Variants in RPRD2 observed in about 807,000 individuals in gnomAD.
RPRD2 encodes regulation of nuclear pre-mRNA domain containing 2.
RPRD2 carries 12 observed loss-of-function variants against 104.4 expected under a neutral mutation model. The ratio of observed to expected loss-of-function variants is 0.11; its 90% CI spans 0.07 to 0.19. The LOEUF is 0.19. RPRD2 is among the 10% of genes least tolerant of loss of function. The probability of loss-of-function intolerance (pLI) is 1.00; values close to 1 mark genes in which losing one functional copy is unlikely to be tolerated. For synonymous variants in RPRD2, 714 were observed against 684.9 expected (o/e 1.04, Z -0.66); for missense variants, 1,543 against 1,790.1 (o/e 0.86, Z 2.49).
intron 7 of RPRD2, among the ~76,000 whole-genome samples, chr1:150,455,242 G>A (rs112381638): frequency 4.7e-4 from 72 of 152,270 alleles, no homozygotes; most frequent in Middle Eastern, 3.4e-3. Context: ...GATGGCTTAC[G>A]CCTGTAATCC....
chr1:150,386,689 GA>G (rs782654723), intron 1 of RPRD2, among the ~76,000 whole-genome samples: 22 of 152,078 alleles, frequency 1.4e-4, no homozygotes, highest in Admixed American at 2.6e-4. Context: ...CACTAAACCT[GA>G]AAAATATGAG....
At chr1:150,446,082 AG>A (rs1553895427) in intron 6 of RPRD2, 143 bp from the exon 7 acceptor site, 233 of 496,090 alleles carry the variant, frequency 4.7e-4, no homozygotes, top group African/African-American at 8.8e-4. Context: ...AAAAAAAAAA[AG>A]AAAGAAACTA....
At chr1:150,459,261 A>G (rs782008105) in intron 8 of RPRD2, among the ~76,000 whole-genome samples, 1 of 152,198 alleles carries the variant, frequency 6.6e-6, no homozygotes, top group Non-Finnish European at 1.5e-5. Context: ...TAATTATTCA[A>G]GGTGATTGAG....
At chr1:150,399,864 T>C (rs1662843053) in intron 1 of RPRD2, among the ~76,000 whole-genome samples, 1 of 152,148 alleles carries the variant, frequency 6.6e-6, no homozygotes, top group Admixed American at 6.6e-5. Context: ...TTCAAAACTA[T>C]GTTGTCTATT....
intron 1 of RPRD2, among the ~76,000 whole-genome samples, chr1:150,395,799 G>A (rs1256741252): frequency 2.0e-5 from 3 of 152,150 alleles, no homozygotes; most frequent in African/African-American, 7.2e-5. Context: ...GTGAGCCACC[G>A]CGTCCGGCCG....
chr1:150,393,454 CAA>C (rs1203478537), intron 1 of RPRD2, among the ~76,000 whole-genome samples: 1,187 of 59,506 alleles, frequency 0.02, 13 homozygotes, highest in African/African-American at 0.067. Flanking sequence ...GACCCTGTCT[CAA>C]AAAAAAAAAA....
intron 1 of RPRD2, among the ~76,000 whole-genome samples, chr1:150,415,369 A>G (rs1226048230): frequency 3.9e-5 from 6 of 151,962 alleles, no homozygotes; most frequent in South Asian, 2.1e-4. Flanking sequence ...AATACAAATA[A>G]GAATCAAATT....
At chr1:150,464,810 T>C in intron 10 of RPRD2, 83 bp downstream of exon 10, 1 of 932,864 alleles carries the variant, frequency 1.1e-6, no homozygotes, top group Non-Finnish European at 1.7e-6. Context: ...TTCTGATGAA[T>C]CCAGAGCCAT....
chr1:150,385,958 C>G (rs1661531612), intron 1 of RPRD2, among the ~76,000 whole-genome samples: 1 of 151,830 alleles, frequency 6.6e-6, no homozygotes, highest in Non-Finnish European at 1.5e-5. Context: ...AGGGGAGTTT[C>G]CTGAGTTGAG....
chr1:150,429,292 A>G (rs781855469), intron 2 of RPRD2, among the ~76,000 whole-genome samples: 3 of 152,024 alleles, frequency 2.0e-5, no homozygotes, highest in Non-Finnish European at 4.4e-5. Flanking sequence ...GGGTTTCTCC[A>G]TGTTGGTCAG....
intron 10 of RPRD2, among the ~76,000 whole-genome samples, chr1:150,466,448 C>T (rs1553900009): frequency 6.7e-6 from 1 of 149,444 alleles, no homozygotes; most frequent in African/African-American, 2.5e-5. Context: ...ACTCAGGGGG[C>T]TAAGGCAGGA....
In RPRD2 at chr1:150,474,705, A is replaced by G. The variant is rs1362518543; in HGVS notation, c.*1371A>G. ...GTTGCTTTACTACAATTTTTTTTTAATTTAGTGTCTTACCCCAAGGCATAC... is the reference window on the plus strand; with the variant it reads ...GTTGCTTTACTACAATTTTTTTTTAGTTTAGTGTCTTACCCCAAGGCATAC... On this transcript the variant is annotated 3_prime_UTR_variant, in exon 11 of 11. Coordinates refer to ENST00000369068, the MANE Select transcript of RPRD2 (RefSeq NM_015203.5). 1.3e-5 allele frequency: 2 copies of G among 151,946 alleles called. No individual in the cohort carries two copies. Among genetic ancestry groups the G allele is most frequent in the African/African-American group, 2.4e-5 (1 of 41,370 alleles). The allele number at this position is 151,946 out of a possible 1,614,324, so 9.4% of individuals were successfully genotyped here.
intron 1 of RPRD2, among the ~76,000 whole-genome samples, chr1:150,377,328 C>T (rs1471271614): frequency 7.2e-5 from 11 of 151,998 alleles, no homozygotes; most frequent in African/African-American, 2.4e-4. Context: ...GGGCCGGGCG[C>T]GGTGGCTCAC....
At chr1:150,418,115 G>A (rs1041648664) in intron 2 of RPRD2, among the ~76,000 whole-genome samples, 1 of 151,972 alleles carries the variant, frequency 6.6e-6, no homozygotes, top group Admixed American at 6.6e-5. Flanking sequence ...CTACAGGTGC[G>A]TGCTACCATG....
At chr1:150,452,215 A>G (rs1553896775) in intron 7 of RPRD2, among the ~76,000 whole-genome samples, 1 of 151,830 alleles carries the variant, frequency 6.6e-6, no homozygotes, top group African/African-American at 2.4e-5. Flanking sequence ...ATCATGTGAC[A>G]GCATAGGCAG....
chr1:150,475,844 A>C lies in RPRD2; in HGVS notation c.*2510A>C, dbSNP rs1272626838. 6.6e-6 allele frequency: 1 copy of C among 152,162 alleles called. No individual in the cohort carries two copies. Among genetic ancestry groups the C allele is most frequent in the African/African-American group, 2.4e-5 (1 of 41,412 alleles). The allele number at this position is 152,162 out of a possible 1,614,324, so 9.4% of individuals were successfully genotyped here. A position where few individuals can be genotyped will look rare whatever the true frequency, so the allele number is the denominator to read the frequency against. On this transcript the variant is annotated 3_prime_UTR_variant, in exon 11 of 11. Coordinates refer to ENST00000369068, the MANE Select transcript of RPRD2 (RefSeq NM_015203.5). The stretch of plus-strand genomic sequence containing the variant: ...ACCATGCTCTGACTTTTGTATTTCA[A>C]CCTGAGTTTAAACAAATAAACAAGA...
intron 2 of RPRD2, among the ~76,000 whole-genome samples, chr1:150,420,846 G>A (rs1010540970): frequency 1.3e-5 from 2 of 152,050 alleles, no homozygotes; most frequent in Non-Finnish European, 1.5e-5. Context: ...AAAAAGGAAT[G>A]AATTAATAAA....
intron 1 of RPRD2, among the ~76,000 whole-genome samples, chr1:150,385,270 G>A (rs1661480139): frequency 1.3e-5 from 2 of 151,924 alleles, no homozygotes; most frequent in Admixed American, 6.6e-5. Context: ...GAGATCAGCT[G>A]GGGCAACATA....
chr1:150,436,104 A>C (rs782474107), intron 2 of RPRD2, among the ~76,000 whole-genome samples: 1 of 152,018 alleles, frequency 6.6e-6, no homozygotes, highest in Non-Finnish European at 1.5e-5. Context: ...TTTCAAGCCC[A>C]ATGTTGAGAC....
Sources: gnomAD v4.1 joint callset for allele counts (sites outside exome capture counted in the v4.1 genomes callset) on GRCh38, gnomAD v4.1.1 for gene constraint, MANE v1.5 for transcripts, NCBI Gene and HGNC (gene_info 2026-07-23, HGNC 2026-07-21) for gene names.